Variants in FRAS1 observed in about 807,000 individuals in gnomAD.
FRAS1 encodes the protein Fraser extracellular matrix complex subunit 1.
In FRAS1, 290 loss-of-function variants were observed where a neutral mutation model predicts 435.2. The observed-to-expected ratio is 0.67, with a 90% CI of 0.61 to 0.73. FRAS1 has a LOEUF of 0.73. Among genes scored for constraint, FRAS1 ranks in the 30% least tolerant of loss-of-function variants. FRAS1 has a pLI of 0.00. For missense variants in FRAS1, 4,860 were observed against 5,001.5 expected, an observed-to-expected ratio of 0.97 and a Z score of 0.85; for synonymous variants, 1,800 against 1,851.0, an observed-to-expected ratio of 0.97 and a Z score of 0.71.
At chr4:78,482,684 A>G (rs1212756407) in intron 58 of FRAS1, 149 bp downstream of exon 58, 10 of 770,848 alleles carry the variant, frequency 1.3e-5, no homozygotes, top group East Asian at 2.6e-5. Flanking sequence ...GCACTTTTAC[A>G]TAGCAGAGTA....
chr4:78,480,957 A>G (rs931785947), intron 56 of FRAS1, among the ~76,000 whole-genome samples: 1 of 152,224 alleles, frequency 6.6e-6, no homozygotes, highest in African/African-American at 2.4e-5. Flanking sequence ...TATATAAAAG[A>G]GCAAATGGAG....
intron 2 of FRAS1, among the ~76,000 whole-genome samples, chr4:78,226,851 A>G (rs1307189527): frequency 6.6e-6 from 1 of 152,064 alleles, no homozygotes; most frequent in African/African-American, 2.4e-5. Context: ...ATGTGTCACT[A>G]ATGCTCTTTT....
chr4:78,345,416 C>T (rs1013344294), intron 20 of FRAS1, among the ~76,000 whole-genome samples: 8 of 152,130 alleles, frequency 5.3e-5, no homozygotes, highest in African/African-American at 1.7e-4. Context: ...TCTGATGCCT[C>T]ATATGATAAT....
intron 2 of FRAS1, among the ~76,000 whole-genome samples, chr4:78,067,302 C>A (rs570539300): frequency 1.3e-5 from 2 of 152,206 alleles, no homozygotes; most frequent in East Asian, 1.9e-4. Context: ...AGGTAATTCA[C>A]CATTAGTGGT....
intron 6 of FRAS1, among the ~76,000 whole-genome samples, chr4:78,258,620 T>C (rs1203638301): frequency 2.1e-5 from 1 of 47,288 alleles, no homozygotes; most frequent in African/African-American, 3.8e-5. Context: ...GGATGTTTCT[T>C]TTCTTTTTTT....
intron 2 of FRAS1, among the ~76,000 whole-genome samples, chr4:78,089,392 C>G (rs1450092699): frequency 2.6e-5 from 4 of 151,920 alleles, no homozygotes; most frequent in Non-Finnish European, 2.9e-5. Context: ...AACAAACCTG[C>G]ACATTGTGCA....
intron 24 of FRAS1, among the ~76,000 whole-genome samples, chr4:78,373,652 C>T (rs1731602369): frequency 6.6e-6 from 1 of 151,776 alleles, no homozygotes; most frequent in Non-Finnish European, 1.5e-5. Flanking sequence ...TGGCACATGT[C>T]TGTAATCCCA....
intron 20 of FRAS1, among the ~76,000 whole-genome samples, chr4:78,361,126 A>T (rs866086267): frequency 1.3e-5 from 2 of 152,244 alleles, no homozygotes; most frequent in Non-Finnish European, 2.9e-5. Context: ...CCACTTGTTA[A>T]GGTAGTCATA....
At chr4:78,151,217 C>T (rs1560551453) in intron 2 of FRAS1, among the ~76,000 whole-genome samples, 1 of 152,132 alleles carries the variant, frequency 6.6e-6, no homozygotes, top group Non-Finnish European at 1.5e-5. Context: ...TTGGTCAAAG[C>T]TGGAGCCAAC....
intron 2 of FRAS1, among the ~76,000 whole-genome samples, chr4:78,118,652 G>T (rs1718814984): frequency 6.6e-6 from 1 of 152,178 alleles, no homozygotes. Context: ...TGTGCCATTT[G>T]CTAAGACCGT....
At position 78,345,548 on chromosome 4, in the gene FRAS1, C is replaced by A. The variant is rs572192900; in HGVS notation, c.2422+7731C>A. ...TCTCTGTATTTTTTTTCAATTTGCT[C>A]GTGTCTTCTATTTTTTTAACACTTG... On this transcript the variant is annotated intron_variant, in intron 20 of 73. Transcript: ENST00000512123. Among the ~76,000 whole-genome samples, 3 of 151,736 alleles carry A rather than the reference C, an allele frequency of 2.0e-5. No homozygotes were observed. In the South Asian group the frequency reaches 6.3e-4, roughly 32 times the overall value.
chr4:78,217,780 A>G (rs1723832765), intron 2 of FRAS1, among the ~76,000 whole-genome samples: 2 of 146,352 alleles, frequency 1.4e-5, no homozygotes, highest in African/African-American at 5.1e-5. Context: ...TGAACCTACA[A>G]GATATCTCCC....
chr4:78,402,003 A>C (rs1732913423), intron 30 of FRAS1, among the ~76,000 whole-genome samples: 1 of 152,050 alleles, frequency 6.6e-6, no homozygotes, highest in Non-Finnish European at 1.5e-5. Flanking sequence ...AATCTGTAGT[A>C]CCATAACCAA....
intron 2 of FRAS1, among the ~76,000 whole-genome samples, chr4:78,122,933 T>C (rs943255205): frequency 6.6e-6 from 1 of 152,224 alleles, no homozygotes; most frequent in African/African-American, 2.4e-5. Context: ...GGTTGCCTGT[T>C]CACTCTGATG....
intron 2 of FRAS1, among the ~76,000 whole-genome samples, chr4:78,095,094 A>T (rs1422397010): frequency 2.6e-5 from 4 of 152,220 alleles, no homozygotes; most frequent in Non-Finnish European, 5.9e-5. Flanking sequence ...AAGCAATGTA[A>T]TATCAGTAAA....
chr4:78,247,343 G>A (rs1045795845), intron 4 of FRAS1, among the ~76,000 whole-genome samples: 9 of 152,130 alleles, frequency 5.9e-5, no homozygotes, highest in African/African-American at 2.2e-4. Flanking sequence ...TTATATTTCT[G>A]GTATTTGATG....
intron 5 of FRAS1, among the ~76,000 whole-genome samples, chr4:78,254,336 G>A (rs1725689912): frequency 6.6e-6 from 1 of 152,090 alleles, no homozygotes; most frequent in African/African-American, 2.4e-5. Flanking sequence ...TCATTAAAAG[G>A]ATACCTCATT....
chr4:78,276,105 A>G (rs571698648), intron 9 of FRAS1, among the ~76,000 whole-genome samples: 425 of 152,308 alleles, frequency 2.8e-3, no homozygotes, highest in Non-Finnish European at 4.8e-3. Context: ...AGTTGATCAA[A>G]TCAGCTACTG....
At position 78,286,416 on chromosome 4, in the gene FRAS1, C is replaced by G; in HGVS notation, c.1411C>G (p.Gln471Glu). ...AGSLCLACQP[Q>E]CSTCTSGLEC... ...TTATCTGGAGTCAGCCTGCCAGCCC[C>G]AGTGCTCCACGTGTACCAGTGGGCT... The change falls in exon 14 of 74, where the codon CAG (glutamine) becomes GAG (glutamate). Residue 471 changes from glutamine to glutamate, a missense_variant. By Grantham distance (29) the Gln-to-Glu change is conservative. Transcript: ENST00000512123. 4 of 1,613,600 alleles carry G rather than the reference C, an allele frequency of 2.5e-6. No homozygotes were observed. The highest frequency in any genetic ancestry group is 2.5e-6 in the Non-Finnish European group (3 of 1,179,888).
Sources: gnomAD v4.1 joint callset for allele counts (sites outside exome capture counted in the v4.1 genomes callset) on GRCh38, gnomAD v4.1.1 for gene constraint, MANE v1.5 for transcripts, NCBI Gene and HGNC (gene_info 2026-07-23, HGNC 2026-07-21) for gene names.